The following ZBTB20 variants were observed in gnomAD, a reference collection of about 807,000 sequenced individuals.
The protein encoded by ZBTB20 is zinc finger and BTB domain-containing protein 20.
ZBTB20 carries 9 observed loss-of-function variants against 56.9 expected under a neutral mutation model. The ratio of observed to expected loss-of-function variants is 0.16; its 90% CI spans 0.10 to 0.28. ZBTB20 has a LOEUF of 0.28. Ranked by LOEUF, ZBTB20 falls within the 10% of genes least tolerant of loss-of-function variation. ZBTB20 has a pLI of 1.00. For missense variants in ZBTB20, 655 were observed against 1,003.0 expected, an observed-to-expected ratio of 0.65 and a Z score of 4.69; for synonymous variants, 417 against 420.7, an observed-to-expected ratio of 0.99 and a Z score of 0.11.
At chr3:114,540,422 G>A (rs780186365) in intron 6 of ZBTB20, among the ~76,000 whole-genome samples, 2 of 152,106 alleles carry the variant, frequency 1.3e-5, no homozygotes, top group Non-Finnish European at 2.9e-5. Context: ...TGGTTTGTTA[G>A]TGAAAGAGAT....
rs145883772 is a variant in ZBTB20 at position 114,749,852 on chromosome 3, T to A, written c.-343+51249A>T. Among the ~76,000 whole-genome samples the A allele has an allele frequency of 5.2e-4, 79 of 152,338 alleles. No individual in the cohort carries two copies. In the East Asian group the frequency reaches 0.014, roughly 28 times the overall value. On this transcript the variant is annotated intron_variant, in intron 5 of 11. Transcript: ENST00000675478. ...TAATGGTACCCATCTCACAAAATTGTTTTAAGAATTAAATGTAAAATGCTT... is the reference window on the plus strand; with the variant it reads ...TAATGGTACCCATCTCACAAAATTGATTTAAGAATTAAATGTAAAATGCTT...
chr3:114,527,488 C>T (rs903402563), intron 6 of ZBTB20: 1 of 152,214 alleles, frequency 6.6e-6, no homozygotes, highest in African/African-American at 2.4e-5. Context: ...CTTCTGTCCA[C>T]AGACATTCTT....
chr3:114,516,870 T>G (rs1258028493), intron 6 of ZBTB20, among the ~76,000 whole-genome samples: 1 of 152,160 alleles, frequency 6.6e-6, no homozygotes, highest in Non-Finnish European at 1.5e-5. Flanking sequence ...ACCCTGTTGA[T>G]ACTTTAATCT....
intron 6 of ZBTB20, chr3:114,519,233 G>C (rs2046370031): frequency 1.3e-5 from 2 of 152,122 alleles, no homozygotes; most frequent in Non-Finnish European, 2.9e-5. Flanking sequence ...TACAATGCAA[G>C]TAAATAATTT....
chr3:114,717,555 C>T (rs1294718767), intron 5 of ZBTB20, among the ~76,000 whole-genome samples: 1 of 152,048 alleles, frequency 6.6e-6, no homozygotes, highest in Non-Finnish European at 1.5e-5. Flanking sequence ...CAAAATGCCA[C>T]ATAAGAAAAC....
At chr3:115,093,356 A>G (rs1181781436) in intron 1 of ZBTB20, among the ~76,000 whole-genome samples, 1 of 152,192 alleles carries the variant, frequency 6.6e-6, no homozygotes, top group African/African-American at 2.4e-5. Flanking sequence ...ATGTGTTATA[A>G]GAACACAATT....
chr3:114,648,706 G>T (rs2059975658), intron 6 of ZBTB20, among the ~76,000 whole-genome samples: 1 of 151,962 alleles, frequency 6.6e-6, no homozygotes, highest in Non-Finnish European at 1.5e-5. Flanking sequence ...AACAAAACAT[G>T]TTAGCCCTAC....
rs151173826 is a variant in ZBTB20, at chr3:114,433,016, G to A, written c.-254-43911C>T. Among the ~76,000 whole-genome samples, 380 of 152,262 alleles carry A rather than the reference G, an allele frequency of 2.5e-3. 3 individuals carry two copies. Among genetic ancestry groups the A allele is most frequent in the African/African-American group, 8.7e-3 (363 of 41,544 alleles). ...TGTACAAAACCATTTGGTGTGCTGG[G>A]ATGCCAAAGCTTCTTCAATCTGACA... On this transcript the variant is annotated intron_variant, in intron 7 of 11. Transcript: ENST00000675478.
At chr3:114,882,929 G>A (rs1004872525) in intron 4 of ZBTB20, among the ~76,000 whole-genome samples, 1 of 152,118 alleles carries the variant, frequency 6.6e-6, no homozygotes. Context: ...GGTAAATGGT[G>A]AAAGGTATAT....
At chr3:114,979,341 T>C (rs1436828860) in intron 2 of ZBTB20, among the ~76,000 whole-genome samples, 1 of 152,030 alleles carries the variant, frequency 6.6e-6, no homozygotes, top group African/African-American at 2.4e-5. Context: ...GTTTTGGAAA[T>C]AGGAGTAGTA....
chr3:114,735,861 C>T (rs1417433308), intron 5 of ZBTB20, among the ~76,000 whole-genome samples: 1 of 152,036 alleles, frequency 6.6e-6, no homozygotes, highest in Non-Finnish European at 1.5e-5. Flanking sequence ...AAAGGATTCT[C>T]ACCACTACAG....
At chr3:114,780,832 A>T (rs1270240879) in intron 5 of ZBTB20, among the ~76,000 whole-genome samples, 2 of 152,124 alleles carry the variant, frequency 1.3e-5, no homozygotes, top group Non-Finnish European at 2.9e-5. Context: ...AAACACGTAA[A>T]CAATTTAGAC....
chr3:114,398,983 T>A (rs2086576663), intron 7 of ZBTB20, among the ~76,000 whole-genome samples: 3 of 152,152 alleles, frequency 2.0e-5, no homozygotes, highest in Non-Finnish European at 4.4e-5. Context: ...AAAGCTCTTT[T>A]ATTGACACAA....
At chr3:114,651,883 T>C (rs565206889) in intron 6 of ZBTB20, among the ~76,000 whole-genome samples, 56 of 152,088 alleles carry the variant, frequency 3.7e-4, no homozygotes, top group African/African-American at 1.3e-3. Context: ...ACCACATCTC[T>C]TGGAATCAGA....
intron 5 of ZBTB20, among the ~76,000 whole-genome samples, chr3:114,749,387 A>G (rs1379877861): frequency 6.6e-6 from 1 of 152,136 alleles, no homozygotes; most frequent in African/African-American, 2.4e-5. Context: ...CCCCGTCGCT[A>G]CTAAAAATAC....
At chr3:114,472,771 T>C (rs2040287896) in intron 7 of ZBTB20, among the ~76,000 whole-genome samples, 1 of 151,868 alleles carries the variant, frequency 6.6e-6, no homozygotes, top group Admixed American at 6.6e-5. Context: ...CAATACAGCA[T>C]GCTGTTGACC....
Position 114,371,359 on chromosome 3 carries a change from T to A in ZBTB20, c.199+8858A>T, listed in dbSNP as rs112869094. Among the ~76,000 whole-genome samples, 763 of 152,338 alleles carry A rather than the reference T, an allele frequency of 5.0e-3. 10 individuals are homozygous for A. Among genetic ancestry groups the A allele is most frequent in the African/African-American group, 0.018 (732 of 41,572 alleles). On this transcript the variant is annotated intron_variant, in intron 10 of 11. Transcript: ENST00000675478. ...GGGTCTGTTTTTCTCCACCTTTGTG[T>A]CCTCATGGAACTCACTGTAGTGACA...
At chr3:114,999,031 G>A (rs1191774766) in intron 2 of ZBTB20, among the ~76,000 whole-genome samples, 3 of 140,456 alleles carry the variant, frequency 2.1e-5, no homozygotes, top group African/African-American at 7.8e-5. Context: ...TTGGGGAGGG[G>A]AGGGGAGGGA....
intron 5 of ZBTB20, among the ~76,000 whole-genome samples, chr3:114,780,317 T>C (rs192786955): frequency 1.3e-5 from 2 of 152,278 alleles, no homozygotes; most frequent in Admixed American, 1.3e-4. Flanking sequence ...ATGGTTGTTA[T>C]ATGAAGAGAA....
Sources: gnomAD v4.1 joint callset for allele counts (sites outside exome capture counted in the v4.1 genomes callset) on GRCh38, gnomAD v4.1.1 for gene constraint, MANE v1.5 for transcripts, NCBI Gene and HGNC (gene_info 2026-07-23, HGNC 2026-07-21) for gene names.